The following SLC1A2 variants were observed in gnomAD, a reference collection of about 807,000 sequenced individuals.
SLC1A2 encodes excitatory amino acid transporter 2.
A neutral mutation model predicts 48.8 loss-of-function variants in SLC1A2; 15 were observed. That is an observed-to-expected ratio of 0.31 (90% CI 0.21 to 0.47). SLC1A2 has a LOEUF of 0.47. SLC1A2 is among the 20% of genes least tolerant of loss of function. The pLI is 0.99. For missense variants in SLC1A2, 502 were observed against 730.5 expected (o/e 0.69, Z 3.61); for synonymous variants, 279 against 272.6 (o/e 1.02, Z -0.23).
chr11:35,383,243 G>A (rs1322288875), intron 1 of SLC1A2, among the ~76,000 whole-genome samples: 1 of 152,166 alleles, frequency 6.6e-6, no homozygotes, highest in Non-Finnish European at 1.5e-5. Flanking sequence ...CAAATTTAAA[G>A]GACATAAACT....
At position 35,313,864 on chromosome 11, in the gene SLC1A2, A is replaced by T. The variant is rs374162059; in HGVS notation, c.310+1159T>A. ...TCACTGGTCAACCAGCTGAAGCCTCAACCCAGCTCAGCCCCTGAATCTCCT... is the reference window on the plus strand; with the variant it reads ...TCACTGGTCAACCAGCTGAAGCCTCTACCCAGCTCAGCCCCTGAATCTCCT... On this transcript the variant is annotated intron_variant, in intron 3 of 10. Coordinates refer to ENST00000278379, the MANE Select transcript of SLC1A2 (RefSeq NM_004171.4). 6.6e-5 allele frequency among the ~76,000 whole-genome samples: 10 copies of T among 152,266 alleles called. No homozygotes were observed. The East Asian group carries it at 9.7e-4, about 15-fold the overall frequency.
chr11:35,352,698 C>G (rs1324031259), intron 1 of SLC1A2, among the ~76,000 whole-genome samples: 1 of 151,704 alleles, frequency 6.6e-6, no homozygotes, highest in East Asian at 1.9e-4. Flanking sequence ...GAGAGCTGCC[C>G]TTGTTTTGTA....
At chr11:35,308,705 T>G (rs1359368329) in intron 4 of SLC1A2, among the ~76,000 whole-genome samples, 1 of 152,172 alleles carries the variant, frequency 6.6e-6, no homozygotes, top group East Asian at 1.9e-4. Flanking sequence ...CTTATCAATA[T>G]TGTTATAATG....
rs1025099543 is a variant in SLC1A2 at position 35,260,690 on chromosome 11, G to A, written c.*204C>T. ...AATAATACAAGTGAGAAAATTAGAC[G>A]GTTATAAAGCATTATTTGGCAAAGA... On this transcript the variant is annotated 3_prime_UTR_variant, in exon 11 of 11. Coordinates refer to ENST00000278379, the MANE Select transcript of SLC1A2 (RefSeq NM_004171.4). The A allele has an allele frequency of 9.3e-6, 5 of 537,454 alleles. No individual in the cohort carries two copies. Among genetic ancestry groups the A allele is most frequent in the African/African-American group, 3.8e-5 (2 of 52,214 alleles). 33.3% of individuals were successfully genotyped at this position (537,454 alleles called of 1,614,324 possible). A position where few individuals can be genotyped will look rare whatever the true frequency, so the allele number is the denominator to read the frequency against.
intron 1 of SLC1A2, among the ~76,000 whole-genome samples, chr11:35,334,103 G>A (rs1224022927): frequency 6.6e-6 from 1 of 152,166 alleles, no homozygotes; most frequent in Non-Finnish European, 1.5e-5. Context: ...ATAGAACTAA[G>A]AAGTGATTGT....
Position 35,254,694 on chromosome 11 carries a change from G to A in SLC1A2, c.*6200C>T. ...TTCAACACTCACCCAAGGATTGGGG[G>A]TGTCTCCAGAGAAACTGAGGACCTG... On this transcript the variant is annotated 3_prime_UTR_variant, in exon 11 of 11. Coordinates refer to ENST00000278379, the MANE Select transcript of SLC1A2 (RefSeq NM_004171.4). The A allele has an allele frequency of 2.3e-6, 1 of 440,510 alleles. No homozygotes were observed. Among genetic ancestry groups the A allele is most frequent in the Admixed American group, 2.6e-5 (1 of 38,554 alleles). The allele number at this position is 440,510 out of a possible 1,614,324, so 27.3% of individuals were successfully genotyped here.
intron 1 of SLC1A2, among the ~76,000 whole-genome samples, chr11:35,324,270 G>T (rs1591474609): frequency 6.6e-6 from 1 of 152,218 alleles, no homozygotes; most frequent in East Asian, 1.9e-4. Context: ...TATTTGTTTG[G>T]CTCAGAAACA....
chr11:35,287,095 G>C, intron 7 of SLC1A2, 144 bp from the exon 8 acceptor site: 2 of 673,658 alleles, frequency 3.0e-6, no homozygotes, highest in Non-Finnish European at 2.5e-6. Flanking sequence ...GCAGTATCTG[G>C]AGCCAGATTA....
intron 7 of SLC1A2, among the ~76,000 whole-genome samples, chr11:35,287,630 A>C (rs1385645714): frequency 1.3e-5 from 2 of 152,188 alleles, no homozygotes; most frequent in African/African-American, 4.8e-5. Flanking sequence ...AGCAAATCAA[A>C]GACTAAATAT....
chr11:35,396,801 C>G (rs1196343423), intron 1 of SLC1A2, among the ~76,000 whole-genome samples: 1 of 152,106 alleles, frequency 6.6e-6, no homozygotes, highest in Non-Finnish European at 1.5e-5. Context: ...CCCAAAATCT[C>G]CTTAAGCTGA....
In SLC1A2 at chr11:35,265,643, C is replaced by T. The variant is rs766059474; in HGVS notation, c.1537G>A (p.Asp513Asn). 1.2e-6 allele frequency: 2 copies of T among 1,612,730 alleles called. No homozygotes were observed. The highest frequency in any genetic ancestry group is 1.1e-5 in the South Asian group (1 of 91,066). Residue 513 changes from aspartate (D) to asparagine (N), a missense_variant, in exon 10 of 11, where the codon GAT (aspartate) becomes AAT (asparagine). By Grantham distance (23) the Asp-to-Asn change is conservative (BLOSUM62 1). This residue lies in a region of SLC1A2 where 102 missense variants were observed against 107.2 expected (regional missense o/e 0.95). Transcript: ENST00000278379. ...TIDSQHRVHE[D>N]IEMTKTQSIY... ...GATTGAGTCTTGGTCATTTCAATAT[C>T]TTCATGCACTCGATGCTGGGAGTCA...
intron 10 of SLC1A2, 112 bp from the exon 11 acceptor site, chr11:35,261,077 T>C: frequency 2.6e-6 from 2 of 766,288 alleles, no homozygotes; most frequent in South Asian, 2.9e-5. Context: ...ACTGAAATAT[T>C]AGTTTTAAAT....
At chr11:35,371,172 A>G (rs747235624) in intron 1 of SLC1A2, 1 of 567,790 alleles carries the variant, frequency 1.8e-6, no homozygotes, top group South Asian at 7.8e-5. Context: ...TGTCTCACCC[A>G]CTGTTGAAAC....
intron 1 of SLC1A2, among the ~76,000 whole-genome samples, chr11:35,412,192 C>T (rs1855483844): frequency 6.6e-6 from 1 of 151,862 alleles, no homozygotes; most frequent in African/African-American, 2.4e-5. Flanking sequence ...AGCATAAAAT[C>T]AAAACTTCTC....
chr11:35,413,097 C>T (rs2012996), intron 1 of SLC1A2, among the ~76,000 whole-genome samples: 107,412 of 152,158 alleles, frequency 0.71, 38,838 homozygotes, highest in African/African-American at 0.87. Flanking sequence ...ATGGTACGCA[C>T]GCTTTCAATC....
intron 1 of SLC1A2, among the ~76,000 whole-genome samples, chr11:35,405,062 C>T (rs1855244620): frequency 6.6e-6 from 1 of 152,160 alleles, no homozygotes; most frequent in African/African-American, 2.4e-5. Flanking sequence ...TCACAGGACT[C>T]GCACTGTGAG....
chr11:35,403,715 A>C (rs1283199326), intron 1 of SLC1A2, among the ~76,000 whole-genome samples: 1 of 152,044 alleles, frequency 6.6e-6, no homozygotes, highest in Non-Finnish European at 1.5e-5. Context: ...GAAACCAGAA[A>C]TTCTTGAGGT....
rs140412290 is a variant in SLC1A2, at chr11:35,408,784, C to A, written c.17+10166G>T. 2.0e-3 allele frequency among the ~76,000 whole-genome samples: 302 copies of A among 152,326 alleles called. 1 individual carries two copies. The highest frequency in any genetic ancestry group is 1.7e-3 in the Non-Finnish European group (113 of 68,032). On this transcript the variant is annotated intron_variant, in intron 1 of 10. Coordinates refer to ENST00000278379, the MANE Select transcript of SLC1A2 (RefSeq NM_004171.4). ...CACTCTTTTATTTGGCTGTTACATT[C>A]TATGTGCAAAAATGTATTTCCTAAA... is the stretch of plus-strand genomic sequence containing the variant.
At chr11:35,400,226 T>A (rs1855093308) in intron 1 of SLC1A2, among the ~76,000 whole-genome samples, 1 of 152,160 alleles carries the variant, frequency 6.6e-6, no homozygotes, top group Admixed American at 6.5e-5. Context: ...TGCAAAACGT[T>A]TATAATAGTG....
Sources: gnomAD v4.1 joint callset for allele counts (sites outside exome capture counted in the v4.1 genomes callset) on GRCh38, gnomAD v4.1.1 for gene constraint, gnomAD v4.1.1 regional missense constraint, MANE v1.5 for transcripts, NCBI Gene and HGNC (gene_info 2026-07-23, HGNC 2026-07-21) for gene names.